The following TAS2R1 variants were observed in gnomAD, a reference collection of about 807,000 sequenced individuals.
TAS2R1 encodes taste receptor type 2 member 1.
For missense variants in TAS2R1, 370 were observed against 353.4 expected (o/e 1.05, Z -0.38); for synonymous variants, 141 against 134.2 (o/e 1.05, Z -0.35).
At chr5:9,790,309 T>G in the TAS2R1 span, among the ~76,000 whole-genome samples, 1 of 152,196 alleles carries the variant, frequency 6.6e-6, no homozygotes, top group Non-Finnish European at 1.5e-5. Flanking sequence ...GTGTATTTAA[T>G]AATTTTTACT....
the TAS2R1 span, among the ~76,000 whole-genome samples, chr5:9,866,489 A>G: frequency 2.0e-5 from 3 of 152,250 alleles, no homozygotes; most frequent in Non-Finnish European, 4.4e-5. Context: ...ACTTTGAATA[A>G]GGTTATCACT....
intron 1 of TAS2R1, among the ~76,000 whole-genome samples, chr5:9,700,092 T>C (rs1286478386): frequency 6.6e-6 from 1 of 152,208 alleles, no homozygotes; most frequent in Admixed American, 6.5e-5. Context: ...AGAACTTCAC[T>C]ATACCTTACA....
chr5:9,818,887 T>C, the TAS2R1 span, among the ~76,000 whole-genome samples: 1 of 152,106 alleles, frequency 6.6e-6, no homozygotes, highest in African/African-American at 2.4e-5. Context: ...GACTTCAAAA[T>C]TGTAAACACA....
chr5:9,866,322 C>T, the TAS2R1 span, among the ~76,000 whole-genome samples: 1 of 152,092 alleles, frequency 6.6e-6, no homozygotes. Context: ...TATTTAATAT[C>T]CATGTACAAT....
the TAS2R1 span, among the ~76,000 whole-genome samples, chr5:9,797,907 T>C: frequency 1.7e-3 from 257 of 152,336 alleles, 2 homozygotes; most frequent in African/African-American, 5.7e-3. Flanking sequence ...GTTCAACTAA[T>C]ACACCTGCAT....
chr5:9,891,228 A>G, the TAS2R1 span, among the ~76,000 whole-genome samples: 1 of 152,202 alleles, frequency 6.6e-6, no homozygotes, highest in East Asian at 1.9e-4. Context: ...TGAATACAGA[A>G]GCAGATGTAA....
the TAS2R1 span, among the ~76,000 whole-genome samples, chr5:9,795,518 G>A: frequency 2.0e-5 from 3 of 152,244 alleles, no homozygotes; most frequent in Non-Finnish European, 4.4e-5. Context: ...AAGTAGCCAG[G>A]TCTAGGAGTC....
the TAS2R1 span, among the ~76,000 whole-genome samples, chr5:9,769,183 G>A: frequency 2.0e-5 from 3 of 152,014 alleles, no homozygotes; most frequent in Non-Finnish European, 4.4e-5. Flanking sequence ...GTCTTTCTGT[G>A]CCTGGTTTAT....
At chr5:9,833,443 T>C in the TAS2R1 span, among the ~76,000 whole-genome samples, 33 of 152,192 alleles carry the variant, frequency 2.2e-4, no homozygotes, top group African/African-American at 2.4e-5. Flanking sequence ...TCCTTTATTA[T>C]GGAATATTTT....
chr5:9,795,481 C>A, the TAS2R1 span, among the ~76,000 whole-genome samples: 1 of 151,958 alleles, frequency 6.6e-6, no homozygotes, highest in African/African-American at 2.4e-5. Context: ...CCTTAATTGC[C>A]TTCTACCTCC....
intron 2 of TAS2R1, among the ~76,000 whole-genome samples, chr5:9,635,674 G>A (rs1739950702): frequency 6.6e-6 from 1 of 151,444 alleles, no homozygotes; most frequent in Non-Finnish European, 1.5e-5. Context: ...ACTTAAGCTG[G>A]AGAATTGTAT....
At chr5:9,762,417 A>G in the TAS2R1 span, among the ~76,000 whole-genome samples, 1 of 152,224 alleles carries the variant, frequency 6.6e-6, no homozygotes, top group Non-Finnish European at 1.5e-5. Flanking sequence ...ACCAAGTTCA[A>G]AGGGGGTAAA....
intron 1 of TAS2R1, among the ~76,000 whole-genome samples, chr5:9,696,533 G>A (rs1297132266): frequency 6.6e-6 from 1 of 151,894 alleles, no homozygotes; most frequent in East Asian, 1.9e-4. Flanking sequence ...CTGCACTCTA[G>A]CCTGGGTGAC....
chr5:9,739,009 A>G, the TAS2R1 span, among the ~76,000 whole-genome samples: 1 of 152,254 alleles, frequency 6.6e-6, no homozygotes, highest in Non-Finnish European at 1.5e-5. Flanking sequence ...AAAAAAATAA[A>G]AATAAAAAAC....
the TAS2R1 span, among the ~76,000 whole-genome samples, chr5:9,804,128 A>T: frequency 1.3e-5 from 2 of 152,210 alleles, no homozygotes; most frequent in Non-Finnish European, 2.9e-5. Context: ...AAGCAACAGC[A>T]GTTTAAAAAG....
chr5:9,901,515 T>C, the TAS2R1 span, among the ~76,000 whole-genome samples: 46 of 152,196 alleles, frequency 3.0e-4, no homozygotes, highest in Non-Finnish European at 5.9e-4. Flanking sequence ...AGTCTGAATG[T>C]AGAAGCTCTA....
chr5:9,742,675 T>C, the TAS2R1 span, among the ~76,000 whole-genome samples: 1 of 152,240 alleles, frequency 6.6e-6, no homozygotes, highest in Non-Finnish European at 1.5e-5. Flanking sequence ...TAGACAATCT[T>C]AACTCAATTT....
chr5:9,727,753 C>G, the TAS2R1 span, among the ~76,000 whole-genome samples: 2 of 152,152 alleles, frequency 1.3e-5, no homozygotes, highest in Non-Finnish European at 2.9e-5. Context: ...GCTGCAAGAG[C>G]CAGAGTAGAA....
the TAS2R1 span, among the ~76,000 whole-genome samples, chr5:9,767,709 C>T: frequency 2.0e-5 from 3 of 152,086 alleles, no homozygotes; most frequent in Admixed American, 2.0e-4. Flanking sequence ...GGTGGTGGAT[C>T]ACTTGAGGTC....
Sources: gnomAD v4.1 joint callset for allele counts (sites outside exome capture counted in the v4.1 genomes callset) on GRCh38, gnomAD v4.1.1 for gene constraint, MANE v1.5 for transcripts, NCBI Gene and HGNC (gene_info 2026-07-23, HGNC 2026-07-21) for gene names.